ABTB2: variants seen among roughly 807,000 people sequenced by gnomAD.
ABTB2 encodes the protein ankyrin repeat and BTB domain containing 2, also known as ankyrin repeat and BTB/POZ domain-containing protein 2.
In ABTB2, 56 loss-of-function variants were observed where a neutral mutation model predicts 104.1. The observed-to-expected ratio is 0.54, with a 90% CI of 0.43 to 0.67. The LOEUF (loss-of-function observed/expected upper bound fraction) is 0.67. ABTB2 is among the 30% of genes least tolerant of loss of function. ABTB2 has a pLI of 0.00. For missense variants in ABTB2, 1,279 were observed against 1,407.7 expected (o/e 0.91, Z 1.46); for synonymous variants, 606 against 608.2 (o/e 1.00, Z 0.05).
chr11:34,339,111 G>A (rs1855230980), intron 1 of ABTB2, among the ~76,000 whole-genome samples: 2 of 152,158 alleles, frequency 1.3e-5, no homozygotes, highest in Non-Finnish European at 2.9e-5. Flanking sequence ...TCCCTGGGAG[G>A]TATTTTTTAA....
At chr11:34,255,594 A>G (rs1426531244) in intron 1 of ABTB2, among the ~76,000 whole-genome samples, 3 of 151,948 alleles carry the variant, frequency 2.0e-5, no homozygotes, top group African/African-American at 7.3e-5. Flanking sequence ...TTTCAACTTC[A>G]ACTCAAGTTC....
chr11:34,159,220 G>T, intron 14 of ABTB2, 76 bp downstream of exon 14: 2 of 1,095,780 alleles, frequency 1.8e-6, no homozygotes, highest in Non-Finnish European at 2.8e-6. Context: ...GACAACCAAT[G>T]CACAGCTGCC....
chr11:34,164,534 C>A, intron 9 of ABTB2, 152 bp downstream of exon 9: 1 of 955,620 alleles, frequency 1.0e-6, no homozygotes, highest in Middle Eastern at 3.4e-4. Flanking sequence ...AGGCTAAACT[C>A]CCCCATGTTT....
intron 1 of ABTB2, among the ~76,000 whole-genome samples, chr11:34,291,307 G>A (rs1317698094): frequency 1.3e-5 from 2 of 152,176 alleles, no homozygotes; most frequent in African/African-American, 4.8e-5. Context: ...CTCCCACTGG[G>A]ATGAAGGGGT....
intron 14 of ABTB2, among the ~76,000 whole-genome samples, chr11:34,159,001 TCA>T (rs1465443644): frequency 6.6e-6 from 1 of 152,158 alleles, no homozygotes; most frequent in Non-Finnish European, 1.5e-5. Flanking sequence ...TAACAAGGAC[TCA>T]CACCCCAGCT....
intron 4 of ABTB2, among the ~76,000 whole-genome samples, chr11:34,171,296 T>C (rs2982607): frequency 0.54 from 81,291 of 151,900 alleles, 22,537 homozygotes; most frequent in African/African-American, 0.61. Context: ...GCTTGGGAGG[T>C]AGGTTCAGTG....
At position 34,173,269 on chromosome 11, in the gene ABTB2, C is replaced by T. The variant is rs749622066; in HGVS notation, c.1283G>A (p.Arg428His). The T allele has an allele frequency of 3.1e-6, 5 of 1,608,208 alleles. No individual in the cohort carries two copies. The highest frequency in any genetic ancestry group is 4.2e-6 in the Non-Finnish European group (5 of 1,177,780). The change falls in exon 4 of 17, where the codon CGC (arginine) becomes CAC (histidine). Residue 428 changes from arginine (R) to histidine (H), a missense_variant. By Grantham distance (29) the Arg-to-His change is conservative (BLOSUM62 0). Coordinates refer to ENST00000435224, the MANE Select transcript of ABTB2 (RefSeq NM_145804.3). ...GTGCTCTGCGTAGGTGATGGCCACG[C>T]GCATCCACTCCATGAGGGGCGGCAG... ...MLLPPLMEWM[R>H]VAITYAEHRR...
chr11:34,247,204 C>T (rs918009785), intron 1 of ABTB2, among the ~76,000 whole-genome samples: 28 of 152,196 alleles, frequency 1.8e-4, no homozygotes, highest in African/African-American at 6.8e-4. Flanking sequence ...CTGTCTTGGC[C>T]TGTTGGCTGG....
At chr11:34,221,162 G>A (rs1307987567) in intron 1 of ABTB2, among the ~76,000 whole-genome samples, 3 of 152,044 alleles carry the variant, frequency 2.0e-5, no homozygotes, top group East Asian at 1.9e-4. Context: ...TAGTAGAGAC[G>A]GGGTTTCACT....
chr11:34,340,536 T>C lies in ABTB2; in HGVS notation c.883+16165A>G, dbSNP rs996179342. On this transcript the variant is annotated intron_variant, in intron 1 of 16. Transcript: ENST00000435224. Reference sequence around the variant, plus strand: ...AACCCAGGACCCAGGTGTGACCAAATATCTTTTCAGAAGGATCCTTTCTAC... The same window carrying C: ...AACCCAGGACCCAGGTGTGACCAAACATCTTTTCAGAAGGATCCTTTCTAC... Among the ~76,000 whole-genome samples the C allele has an allele frequency of 9.2e-5, 14 of 152,150 alleles. No individual in the cohort carries two copies. The East Asian group carries it at 2.7e-3, about 29-fold the overall frequency.
chr11:34,321,667 C>G (rs1317923593), intron 1 of ABTB2, among the ~76,000 whole-genome samples: 1 of 152,218 alleles, frequency 6.6e-6, no homozygotes, highest in East Asian at 1.9e-4. Flanking sequence ...TTTCTCCCAC[C>G]TTGGCCTGCA....
intron 16 of ABTB2, among the ~76,000 whole-genome samples, chr11:34,153,990 G>T (rs1482333361): frequency 6.6e-6 from 1 of 152,166 alleles, no homozygotes; most frequent in African/African-American, 2.4e-5. Context: ...TCAGCAACTT[G>T]TCCAGCTACC....
chr11:34,297,335 C>G (rs560013545), intron 1 of ABTB2, among the ~76,000 whole-genome samples: 1 of 152,282 alleles, frequency 6.6e-6, no homozygotes, highest in East Asian at 1.9e-4. Context: ...GAATGCCAGC[C>G]AAATTCTGGT....
chr11:34,340,192 T>C (rs544679877), intron 1 of ABTB2, among the ~76,000 whole-genome samples: 1 of 152,272 alleles, frequency 6.6e-6, no homozygotes, highest in East Asian at 1.9e-4. Context: ...CCCTTCTGGG[T>C]CGCTTTTTCT....
At chr11:34,334,016 G>GAAA (rs5790985) in intron 1 of ABTB2, among the ~76,000 whole-genome samples, 10 of 119,944 alleles carry the variant, frequency 8.3e-5, no homozygotes, top group African/African-American at 3.4e-4. Context: ...AGCCACAGGT[G>GAAA]AAAAAAAAAA....
At chr11:34,324,482 G>A (rs985099864) in intron 1 of ABTB2, among the ~76,000 whole-genome samples, 4 of 152,142 alleles carry the variant, frequency 2.6e-5, no homozygotes, top group Non-Finnish European at 4.4e-5. Flanking sequence ...CATTCCCACA[G>A]TAAGTCATGC....
chr11:34,164,707 T>C lies in ABTB2; in HGVS notation c.1967A>G (p.His656Arg). The C allele has an allele frequency of 6.6e-7, 1 of 1,523,722 alleles. No individual in the cohort carries two copies. The highest frequency in any genetic ancestry group is 1.4e-5 in the African/African-American group (1 of 69,012). 94.4% of individuals were successfully genotyped at this position (1,523,722 alleles called of 1,614,324 possible). ...GTACCTGTGGCCGTGGGCAGCTGAG[T>C]GGCTGAAGCAGTTCATGTCCTCGTG... ...SLHEDMNCFS[H>R]SAAHGHRNVL... The change falls in exon 9 of 17, where the codon CAC becomes CGC. Residue 656 changes from histidine (H) to arginine (R), a missense_variant. His to Arg is a conservative substitution (Grantham distance 29). Transcript: ENST00000435224.
chr11:34,267,666 G>A (rs1362602658), intron 1 of ABTB2, among the ~76,000 whole-genome samples: 2 of 152,154 alleles, frequency 1.3e-5, no homozygotes, highest in Admixed American at 1.3e-4. Context: ...TTTTTGGTGT[G>A]GATTTCGTTT....
chr11:34,356,590 C>T lies in ABTB2; in HGVS notation c.883+111G>A. Reference sequence around the variant, plus strand: ...CTATCCTCAGACCAAACGTTTTCTCCCAAAGAACTGGCACAGCCACCAGCT... The same window carrying T: ...CTATCCTCAGACCAAACGTTTTCTCTCAAAGAACTGGCACAGCCACCAGCT... On this transcript the variant is annotated intron_variant, in intron 1 of 16. Coordinates refer to ENST00000435224, the MANE Select transcript of ABTB2 (RefSeq NM_145804.3). The surrounding 1 kb of genome is among the most constrained non-coding windows in gnomAD (Gnocchi z 4.6). The T allele has an allele frequency of 7.2e-7, 1 of 1,382,244 alleles. No homozygotes were observed. Among genetic ancestry groups the T allele is most frequent in the Non-Finnish European group, 9.6e-7 (1 of 1,037,038 alleles). 85.6% of individuals were successfully genotyped at this position (1,382,244 alleles called of 1,614,324 possible).
Sources: allele counts gnomAD v4.1 joint callset (sites outside exome capture counted in the v4.1 genomes callset), GRCh38; gene constraint gnomAD v4.1.1; non-coding constraint Gnocchi (gnomAD v3.1); transcripts MANE v1.5; gene names NCBI Gene and HGNC (gene_info 2026-07-23, HGNC 2026-07-21).